Variants in CSMD1 observed in about 807,000 individuals in gnomAD.
CSMD1 encodes CUB and Sushi multiple domains 1.
CSMD1 carries 213 observed loss-of-function variants against 417.5 expected under a neutral mutation model. The observed-to-expected ratio is 0.51, with a 90% CI of 0.46 to 0.57. CSMD1 has a LOEUF of 0.57. Among genes scored for constraint, CSMD1 ranks in the 20% least tolerant of loss-of-function variants. CSMD1 has a pLI of 0.00. For synonymous variants in CSMD1, 2,862 were observed against 1,736.8 expected (o/e 1.65, Z -16.11); for missense variants, 6,923 against 4,529.7 (o/e 1.53, Z -15.17).
At chr8:4,230,277 G>C (rs1180557420) in intron 3 of CSMD1, among the ~76,000 whole-genome samples, 1 of 152,022 alleles carries the variant, frequency 6.6e-6, no homozygotes, top group African/African-American at 2.4e-5. Flanking sequence ...TTATATTCTA[G>C]ATTTATATTA....
At chr8:4,557,836 C>T (rs1055327306) in intron 2 of CSMD1, among the ~76,000 whole-genome samples, 4 of 152,122 alleles carry the variant, frequency 2.6e-5, no homozygotes, top group African/African-American at 7.2e-5. Flanking sequence ...TTTCATAGCT[C>T]TACATCAGAG....
intron 26 of CSMD1, among the ~76,000 whole-genome samples, chr8:3,243,245 C>T (rs1013271796): frequency 1.3e-5 from 2 of 152,056 alleles, no homozygotes; most frequent in African/African-American, 2.4e-5. Context: ...GGATCTTTTT[C>T]ACGGAGCAAA....
intron 2 of CSMD1, among the ~76,000 whole-genome samples, chr8:4,431,964 C>T (rs17070295): frequency 7.2e-5 from 11 of 152,078 alleles, no homozygotes; most frequent in South Asian, 4.2e-4. Flanking sequence ...TTAAAAGCCA[C>T]GGCAGTAACT....
At chr8:3,716,660 G>C (rs562088194) in intron 6 of CSMD1, among the ~76,000 whole-genome samples, 13 of 152,194 alleles carry the variant, frequency 8.5e-5, no homozygotes, top group African/African-American at 2.6e-4. Context: ...CTCTCATCCT[G>C]TGACTAAGAG....
At chr8:4,701,156 C>A (rs114415718) in intron 1 of CSMD1, among the ~76,000 whole-genome samples, 2,032 of 152,080 alleles carry the variant, frequency 0.013, 48 homozygotes, top group African/African-American at 0.046. Context: ...AAGCTGTGGG[C>A]TCCCCCACAG....
In CSMD1 at chr8:3,586,212, C is replaced by T; in HGVS notation, c.1146G>A (p.Gln382=). 1 of 1,612,426 alleles carries T rather than the reference C, an allele frequency of 6.2e-7. No individual in the cohort carries two copies. The highest frequency in any genetic ancestry group is 8.5e-7 in the Non-Finnish European group (1 of 1,179,406). ...TCTGACAGGTGATGCTTTTAGATCCCTGGAGCACGTAATTGTCCTCACATG... is the reference window on the plus strand; with the variant it reads ...TCTGACAGGTGATGCTTTTAGATCCTTGGAGCACGTAATTGTCCTCACATG... ...QFSCEDNYVL[Q]GSKSITCQRV... Residue 382 remains glutamine (Q), a synonymous_variant, in exon 9 of 70, where the codon CAG becomes CAA. Transcript: ENST00000635120.
At chr8:4,143,593 T>C (rs1436778219) in intron 3 of CSMD1, among the ~76,000 whole-genome samples, 2 of 151,092 alleles carry the variant, frequency 1.3e-5, no homozygotes, top group Non-Finnish European at 2.9e-5. Flanking sequence ...CCCCTTTAAC[T>C]AGTTGTGATG....
intron 3 of CSMD1, among the ~76,000 whole-genome samples, chr8:4,062,758 G>A (rs1326397845): frequency 1.3e-5 from 2 of 151,306 alleles, no homozygotes; most frequent in Admixed American, 6.6e-5. Context: ...GGCAGGTTCT[G>A]CATGCTCAGT....
intron 7 of CSMD1, among the ~76,000 whole-genome samples, chr8:3,677,286 T>C (rs1799427143): frequency 6.6e-6 from 1 of 152,200 alleles, no homozygotes; most frequent in Admixed American, 6.5e-5. Context: ...AAGTTATGGT[T>C]CCAACTAATG....
chr8:3,635,937 T>C (rs1430119283), intron 7 of CSMD1, among the ~76,000 whole-genome samples: 1 of 152,190 alleles, frequency 6.6e-6, no homozygotes, highest in African/African-American at 2.4e-5. Context: ...CTTAGTTTAC[T>C]TTTTGGCTTT....
rs180696091 is a variant in CSMD1 at position 3,834,543 on chromosome 8, A to T, written c.819-80501T>A. 8.5e-5 allele frequency among the ~76,000 whole-genome samples: 13 copies of T among 152,304 alleles called. No homozygotes were observed. The East Asian group carries it at 2.1e-3, about 25-fold the overall frequency. On this transcript the variant is annotated intron_variant, in intron 5 of 69. Coordinates refer to ENST00000635120, the MANE Select transcript of CSMD1 (RefSeq NM_033225.6). ...GAAGCTGCACTGTGCGTCTCTTCCA[A>T]AACTGGCTGATTTAAATGTATCCTG... is the stretch of plus-strand genomic sequence containing the variant.
At chr8:4,444,893 C>A (rs541462592) in intron 2 of CSMD1, among the ~76,000 whole-genome samples, 7 of 152,310 alleles carry the variant, frequency 4.6e-5, no homozygotes, top group South Asian at 2.1e-4. Flanking sequence ...TGTTCAGACT[C>A]TGACCTTGTC....
At chr8:4,888,432 A>C (rs1563681017) in intron 1 of CSMD1, among the ~76,000 whole-genome samples, 1 of 151,934 alleles carries the variant, frequency 6.6e-6, no homozygotes, top group Non-Finnish European at 1.5e-5. Context: ...GTCACACAAC[A>C]TATGATATAC....
chr8:4,662,637 T>C (rs1270621477), intron 1 of CSMD1, among the ~76,000 whole-genome samples: 4 of 152,172 alleles, frequency 2.6e-5, no homozygotes, highest in African/African-American at 7.2e-5. Context: ...TCTTCAGAAA[T>C]ATAAAACCCC....
intron 3 of CSMD1, among the ~76,000 whole-genome samples, chr8:4,257,811 A>T (rs1803571226): frequency 6.6e-6 from 1 of 152,206 alleles, no homozygotes; most frequent in Non-Finnish European, 1.5e-5. Flanking sequence ...AATGTGCATG[A>T]GGTTGCATGC....
intron 11 of CSMD1, among the ~76,000 whole-genome samples, chr8:3,493,363 T>C (rs889499705): frequency 6.6e-5 from 10 of 151,354 alleles, no homozygotes; most frequent in Non-Finnish European, 1.3e-4. Context: ...TGCTACCTCA[T>C]GAGTATACTA....
chr8:3,730,100 C>T (rs1383950), intron 6 of CSMD1, among the ~76,000 whole-genome samples: 133,161 of 149,996 alleles, frequency 0.89, 60,672 homozygotes, highest in Non-Finnish European at 0.98. Flanking sequence ...AGAACTTTCC[C>T]GTTTGCAAAA....
chr8:4,352,874 T>C (rs998330300), intron 3 of CSMD1, among the ~76,000 whole-genome samples: 1 of 152,160 alleles, frequency 6.6e-6, no homozygotes, highest in African/African-American at 2.4e-5. Flanking sequence ...GTATTGATCG[T>C]CAGCCATAAT....
intron 5 of CSMD1, among the ~76,000 whole-genome samples, chr8:3,757,176 C>A (rs1797706413): frequency 6.6e-6 from 1 of 152,156 alleles, no homozygotes; most frequent in Non-Finnish European, 1.5e-5. Flanking sequence ...CCACCTACAC[C>A]CACATCCACT....
Sources: allele counts gnomAD v4.1 joint callset (sites outside exome capture counted in the v4.1 genomes callset), GRCh38; gene constraint gnomAD v4.1.1; transcripts MANE v1.5; gene names NCBI Gene and HGNC (gene_info 2026-07-23, HGNC 2026-07-21).